RPN1: variants seen among roughly 807,000 people sequenced by gnomAD.
RPN1 encodes ribophorin I, also known as dolichyl-diphosphooligosaccharide--protein glycosyltransferase subunit 1.
In RPN1, 12 loss-of-function variants were observed where a neutral mutation model predicts 55.5. That is an observed-to-expected ratio of 0.22 (90% confidence interval 0.14 to 0.35). RPN1 has a LOEUF of 0.35. Ranked by LOEUF, RPN1 falls within the 10% of genes least tolerant of loss-of-function variation. RPN1 has a pLI of 1.00. For missense variants in RPN1, 679 were observed against 761.3 expected (o/e 0.89, Z 1.27); for synonymous variants, 317 against 305.9 (o/e 1.04, Z -0.38).
chr3:128,646,645 C>T (rs1169375838), intron 1 of RPN1, among the ~76,000 whole-genome samples: 4 of 151,372 alleles, frequency 2.6e-5, no homozygotes, highest in Non-Finnish European at 4.4e-5. Context: ...ATGACCATGC[C>T]ACTGCACTCC....
chr3:128,642,629 G>C (rs1192060415), intron 2 of RPN1: 1 of 152,302 alleles, frequency 6.6e-6, no homozygotes, highest in African/African-American at 2.4e-5. Flanking sequence ...CTGGGAGGCA[G>C]AGGTTGCAGT....
chr3:128,644,080 TGA>T (rs2069748610), intron 2 of RPN1, among the ~76,000 whole-genome samples: 1 of 151,880 alleles, frequency 6.6e-6, no homozygotes, highest in African/African-American at 2.4e-5. Context: ...GGCTTAGGGG[TGA>T]GATATCCAGG....
chr3:128,641,563 C>T (rs561512640), intron 2 of RPN1, among the ~76,000 whole-genome samples: 7 of 150,042 alleles, frequency 4.7e-5, no homozygotes, highest in Non-Finnish European at 1.0e-4. Flanking sequence ...TTATTAAGTG[C>T]TTACTAAGGC....
At chr3:128,641,389 C>T (rs2069723654) in intron 2 of RPN1, among the ~76,000 whole-genome samples, 1 of 152,090 alleles carries the variant, frequency 6.6e-6, no homozygotes, top group Non-Finnish European at 1.5e-5. Context: ...TTAAACTGAA[C>T]TCAACCCACC....
rs1281015141 is a variant in RPN1 at position 128,636,864 on chromosome 3, C to T, written c.633+935G>A. On this transcript the variant is annotated intron_variant, in intron 3 of 9. Transcript: ENST00000296255. ...GCACCCAGTGCAAAGAAATCTTAAACGTCTAAAATACCCATATTTTTTAGA... is the reference window on the plus strand; with the variant it reads ...GCACCCAGTGCAAAGAAATCTTAAATGTCTAAAATACCCATATTTTTTAGA... Among the ~76,000 whole-genome samples the T allele has an allele frequency of 2.6e-5, 4 of 152,190 alleles. No individual in the cohort carries two copies. The East Asian group carries it at 7.7e-4, about 29-fold the overall frequency.
At chr3:128,631,856 G>T in intron 4 of RPN1, 92 bp downstream of exon 4, 1 of 1,368,096 alleles carries the variant, frequency 7.3e-7, no homozygotes. Flanking sequence ...CTAAACAACT[G>T]CCTAAATATT....
intron 2 of RPN1, 166 bp downstream of exon 2, chr3:128,644,753 G>A: frequency 6.2e-6 from 4 of 646,944 alleles, no homozygotes; most frequent in South Asian, 5.6e-5. Flanking sequence ...GAGCTCAGGA[G>A]TTCAAGACCA....
chr3:128,645,377 G>A (rs1231141860), intron 1 of RPN1, among the ~76,000 whole-genome samples: 1 of 152,062 alleles, frequency 6.6e-6, no homozygotes, highest in East Asian at 1.9e-4. Context: ...GGCTGAGGCA[G>A]GAGAATTGCT....
chr3:128,620,056 A>G lies in RPN1; in HGVS notation c.*355T>C, dbSNP rs2069547005. The G allele has an allele frequency of 4.2e-6, 1 of 237,270 alleles. No individual in the cohort carries two copies. 14.7% of individuals were successfully genotyped at this position (237,270 alleles called of 1,614,324 possible). A position where few individuals can be genotyped will look rare whatever the true frequency, so the allele number is the denominator to read the frequency against. On this transcript the variant is annotated 3_prime_UTR_variant, in exon 10 of 10. Coordinates refer to ENST00000296255, the MANE Select transcript of RPN1 (RefSeq NM_002950.4). Reference sequence around the variant, plus strand: ...AACACATGCACTCACACAATACCCAAACATCAGAATTAGAAGGGCATAAAA... The same window carrying G: ...AACACATGCACTCACACAATACCCAGACATCAGAATTAGAAGGGCATAAAA...
At chr3:128,628,401 A>C (rs1002850975) in intron 5 of RPN1, among the ~76,000 whole-genome samples, 1 of 152,308 alleles carries the variant, frequency 6.6e-6, no homozygotes, top group South Asian at 2.1e-4. Context: ...ATTAGAGTGA[A>C]TAACAACAAA....
intron 3 of RPN1, among the ~76,000 whole-genome samples, chr3:128,634,153 C>CA (rs2069660820): frequency 6.6e-6 from 1 of 151,994 alleles, no homozygotes; most frequent in Non-Finnish European, 1.5e-5. Context: ...TGGTGAAACC[C>CA]TGTCTCTAAC....
chr3:128,638,152 GAA>G lies in RPN1; in HGVS notation c.327-49_327-48del, dbSNP rs751763503. ...AGAAGTAAGAGAGACTGAGGATACT[GAA>G]AACAGTAGTAGCAGTTCAAAGTCAC... On this transcript the variant is annotated intron_variant, in intron 2 of 9. Transcript: ENST00000296255. 2.1e-6 allele frequency: 3 copies of G among 1,425,480 alleles called. No homozygotes were observed. The East Asian group carries it at 6.8e-5, about 33-fold the overall frequency. 88.3% of individuals were successfully genotyped at this position (1,425,480 alleles called of 1,614,324 possible).
At chr3:128,645,645 C>T (rs2069761509) in intron 1 of RPN1, among the ~76,000 whole-genome samples, 2 of 151,472 alleles carry the variant, frequency 1.3e-5, no homozygotes, top group South Asian at 2.1e-4. Flanking sequence ...GGTGAAACCC[C>T]GTCTCTACGA....
intron 2 of RPN1, 30 bp downstream of exon 2, chr3:128,644,889 A>C (rs2069755200): frequency 2.3e-5 from 29 of 1,239,062 alleles, no homozygotes; most frequent in Non-Finnish European, 3.0e-5. Flanking sequence ...ACCTTTAACA[A>C]GAGACAAGGT....
At chr3:128,631,331 AG>A (rs1256564125) in intron 4 of RPN1, among the ~76,000 whole-genome samples, 4 of 151,240 alleles carry the variant, frequency 2.6e-5, no homozygotes, top group Non-Finnish European at 5.9e-5. Context: ...AAAAAAAATT[AG>A]CCAGGCTTGG....
intron 3 of RPN1, among the ~76,000 whole-genome samples, chr3:128,635,105 C>T (rs1317559603): frequency 6.6e-6 from 1 of 151,948 alleles, no homozygotes; most frequent in Non-Finnish European, 1.5e-5. Flanking sequence ...CACAGAGACC[C>T]TCTCTCTCCC....
intron 9 of RPN1, among the ~76,000 whole-genome samples, 173 bp downstream of exon 9, chr3:128,621,991 A>G (rs745363525): frequency 2.6e-5 from 4 of 152,222 alleles, no homozygotes. Context: ...CAGGACCCCA[A>G]AAATCCCTTT....
chr3:128,623,991 ACACACACACACACG>A lies in RPN1; in HGVS notation c.1395+1529_1395+1542del, dbSNP rs1285972316. 4.6e-5 allele frequency among the ~76,000 whole-genome samples: 7 copies of A among 151,070 alleles called. No homozygotes were observed. In the South Asian group the frequency reaches 6.3e-4, roughly 14 times the overall value. On this transcript the variant is annotated intron_variant, in intron 8 of 9. Transcript: ENST00000296255. The stretch of plus-strand genomic sequence containing the variant: ...CTCCAATGATTCAGCAGAAATAATT[ACACACACACACACG>A]CACACACACACACACACAGTTATTC...
At chr3:128,645,679 T>C (rs1325603442) in intron 1 of RPN1, among the ~76,000 whole-genome samples, 2 of 151,290 alleles carry the variant, frequency 1.3e-5, no homozygotes, top group East Asian at 3.9e-4. Context: ...TAACCAGGCG[T>C]GGTGGCGCTC....
Sources: allele counts gnomAD v4.1 joint callset (sites outside exome capture counted in the v4.1 genomes callset), GRCh38; gene constraint gnomAD v4.1.1; transcripts MANE v1.5; gene names NCBI Gene and HGNC (gene_info 2026-07-23, HGNC 2026-07-21).